The following EXT1 variants were observed in gnomAD, a reference collection of about 807,000 sequenced individuals.
EXT1 encodes the protein exostosin-1.
In EXT1, 20 loss-of-function variants were observed where a neutral mutation model predicts 82.5. The ratio of observed to expected loss-of-function variants is 0.24; its 90% CI spans 0.17 to 0.35. EXT1 has a LOEUF of 0.35. Among genes scored for constraint, EXT1 ranks in the 10% least tolerant of loss-of-function variants. The pLI, the probability that EXT1 is intolerant of heterozygous loss-of-function variation, is 1.00. For missense variants in EXT1, 757 were observed against 936.5 expected, an observed-to-expected ratio of 0.81 and a Z score of 2.50; for synonymous variants, 348 against 350.8, an observed-to-expected ratio of 0.99 and a Z score of 0.09.
intron 1 of EXT1, among the ~76,000 whole-genome samples, chr8:117,894,864 C>T (rs1220409979): frequency 2.0e-5 from 3 of 152,146 alleles, no homozygotes. Context: ...TTAGTCCTGG[C>T]ACCTCATTTG....
Position 117,813,561 on chromosome 8 carries a change from C to T in EXT1, c.1633-600G>A, listed in dbSNP as rs974901580. Among the ~76,000 whole-genome samples the T allele has an allele frequency of 5.3e-5, 8 of 152,220 alleles. No individual in the cohort carries two copies. In the South Asian group the frequency reaches 1.0e-3, roughly 20 times the overall value. ...GGAGAGCAGATCACTGTAGAAAGTGCTGCTTTTACAAATTACAAACATTTA... is the reference window on the plus strand; with the variant it reads ...GGAGAGCAGATCACTGTAGAAAGTGTTGCTTTTACAAATTACAAACATTTA... On this transcript the variant is annotated intron_variant, in intron 7 of 10. Transcript: ENST00000378204.
chr8:118,107,340 T>C (rs1475677214), intron 1 of EXT1, among the ~76,000 whole-genome samples: 1 of 152,166 alleles, frequency 6.6e-6, no homozygotes, highest in East Asian at 1.9e-4. Context: ...GATTGTGTTT[T>C]TACAAGCTAT....
In EXT1 at chr8:118,053,721, T is replaced by C. The variant is rs1234821103; in HGVS notation, c.962+56364A>G. Among the ~76,000 whole-genome samples, 3 of 152,220 alleles carry C rather than the reference T, an allele frequency of 2.0e-5. No individual in the cohort carries two copies. The East Asian group carries it at 5.8e-4, about 29-fold the overall frequency. On this transcript the variant is annotated intron_variant, in intron 1 of 10. Transcript: ENST00000378204. Reference sequence around the variant, plus strand: ...GCAATTATTGCCCCCATTTTACACATGAGGGAGCTGAAGTACAACAGGTTA... The same window carrying C: ...GCAATTATTGCCCCCATTTTACACACGAGGGAGCTGAAGTACAACAGGTTA...
rs1396714397 is a variant in EXT1 at position 117,961,891 on chromosome 8, AG to A, written c.963-124691del. Among the ~76,000 whole-genome samples the A allele has an allele frequency of 1.2e-4, 18 of 152,322 alleles. No individual in the cohort carries two copies. In the South Asian group the frequency reaches 3.5e-3, roughly 30 times the overall value. ...TAGAACCACAGATCTCATAGTTGAAAGGAGTCTTGATCTGCCAGCTCTCTGC... is the reference window on the plus strand; with the variant it reads ...TAGAACCACAGATCTCATAGTTGAAAGAGTCTTGATCTGCCAGCTCTCTGC... On this transcript the variant is annotated intron_variant, in intron 1 of 10. Coordinates refer to ENST00000378204, the MANE Select transcript of EXT1 (RefSeq NM_000127.3).
intron 1 of EXT1, among the ~76,000 whole-genome samples, chr8:117,863,151 T>G (rs1812714062): frequency 7.4e-6 from 1 of 135,346 alleles, no homozygotes; most frequent in Non-Finnish European, 1.7e-5. Flanking sequence ...AACTTTTTAC[T>G]TATATAACCT....
intron 1 of EXT1, among the ~76,000 whole-genome samples, chr8:117,988,030 G>T (rs17505030): frequency 0.027 from 4,148 of 152,300 alleles, 202 homozygotes; most frequent in African/African-American, 0.09. Flanking sequence ...TGAGGCTGTG[G>T]TGAGCCGTAA....
chr8:117,951,650 C>T (rs1030019040), intron 1 of EXT1, among the ~76,000 whole-genome samples: 1 of 152,198 alleles, frequency 6.6e-6, no homozygotes, highest in Non-Finnish European at 1.5e-5. Context: ...CTTCTGGCTA[C>T]TCTTGATTTA....
intron 1 of EXT1, among the ~76,000 whole-genome samples, chr8:118,053,900 T>A (rs956135462): frequency 1.3e-5 from 2 of 152,174 alleles, no homozygotes; most frequent in Non-Finnish European, 2.9e-5. Context: ...GAAAATCTCA[T>A]CTTCACTGAT....
intron 1 of EXT1, among the ~76,000 whole-genome samples, chr8:118,005,006 A>T (rs573027727): frequency 6.6e-6 from 1 of 152,300 alleles, no homozygotes; most frequent in South Asian, 2.1e-4. Flanking sequence ...ATCCTGGAAA[A>T]TGATGTTATC....
chr8:117,896,473 A>G (rs1813338384), intron 1 of EXT1, among the ~76,000 whole-genome samples: 1 of 152,196 alleles, frequency 6.6e-6, no homozygotes, highest in Non-Finnish European at 1.5e-5. Flanking sequence ...GGAGGAAGCC[A>G]GCTGGTTAGC....
chr8:118,069,371 C>T (rs908716001), intron 1 of EXT1, among the ~76,000 whole-genome samples: 2 of 152,168 alleles, frequency 1.3e-5, no homozygotes, highest in African/African-American at 2.4e-5. Flanking sequence ...GCTCTTCAGC[C>T]CAGTACCCCG....
chr8:117,874,100 A>C (rs1812924205), intron 1 of EXT1, among the ~76,000 whole-genome samples: 1 of 152,226 alleles, frequency 6.6e-6, no homozygotes, highest in South Asian at 2.1e-4. Context: ...ATAATGAGCC[A>C]GTCTAGTTCA....
intron 1 of EXT1, among the ~76,000 whole-genome samples, chr8:117,934,921 T>C (rs1814130270): frequency 6.6e-6 from 1 of 152,230 alleles, no homozygotes; most frequent in Non-Finnish European, 1.5e-5. Context: ...TCGCCCTGAA[T>C]TGATCCTACA....
At chr8:118,106,922 C>T (rs528830427) in intron 1 of EXT1, among the ~76,000 whole-genome samples, 5 of 152,086 alleles carry the variant, frequency 3.3e-5, no homozygotes, top group Non-Finnish European at 7.4e-5. Flanking sequence ...TTAATATAAT[C>T]CTGAACGTCT....
At chr8:117,800,592 G>C (rs1442926599) in intron 10 of EXT1, among the ~76,000 whole-genome samples, 1 of 152,192 alleles carries the variant, frequency 6.6e-6, no homozygotes, top group Non-Finnish European at 1.5e-5. Context: ...GTTGCTGTAT[G>C]ACTAACTTTA....
At chr8:118,046,109 T>C (rs1210431649) in intron 1 of EXT1, among the ~76,000 whole-genome samples, 1 of 149,326 alleles carries the variant, frequency 6.7e-6, no homozygotes, top group African/African-American at 2.6e-5. Flanking sequence ...ATGTCTTTTT[T>C]TTTTTTTCTT....
chr8:117,949,978 A>C (rs1814460687), intron 1 of EXT1, among the ~76,000 whole-genome samples: 1 of 152,192 alleles, frequency 6.6e-6, no homozygotes, highest in African/African-American at 2.4e-5. Context: ...TAATCCCAGC[A>C]CTTTGGGAGG....
intron 1 of EXT1, among the ~76,000 whole-genome samples, chr8:118,105,190 T>C (rs1246483003): frequency 1.3e-5 from 2 of 152,186 alleles, no homozygotes; most frequent in African/African-American, 2.4e-5. Context: ...AAGGTCATTA[T>C]TGGCAGGAGT....
chr8:117,857,471 G>A (rs1812584809), intron 1 of EXT1, among the ~76,000 whole-genome samples: 1 of 152,030 alleles, frequency 6.6e-6, no homozygotes, highest in African/African-American at 2.4e-5. Context: ...GAAAGGCCAT[G>A]GCAGGAGGAT....
Sources: gnomAD v4.1 joint callset for allele counts (sites outside exome capture counted in the v4.1 genomes callset) on GRCh38, gnomAD v4.1.1 for gene constraint, MANE v1.5 for transcripts, NCBI Gene and HGNC (gene_info 2026-07-23, HGNC 2026-07-21) for gene names.